GLP2R: variants seen among roughly 807,000 people sequenced by gnomAD.
GLP2R encodes the protein glucagon like peptide 2 receptor.
Under a neutral mutation model 68.2 loss-of-function variants are expected in GLP2R, and 59 were observed. That is an observed-to-expected ratio of 0.87 (90% CI 0.70 to 1.07). The LOEUF (loss-of-function observed/expected upper bound fraction) is 1.07, where lower values mean the gene tolerates loss of function less well. Among genes scored for constraint, GLP2R ranks in the 50% least tolerant of loss-of-function variants. The pLI is 0.00. For missense variants in GLP2R, 548 were observed against 677.4 expected (o/e 0.81, Z 2.12); for synonymous variants, 270 against 265.4 (o/e 1.02, Z -0.17).
chr17:9,886,712 G>A (rs563611909), intron 11 of GLP2R, among the ~76,000 whole-genome samples: 75 of 152,236 alleles, frequency 4.9e-4, no homozygotes, highest in Non-Finnish European at 9.3e-4. Flanking sequence ...GTGATTGCCA[G>A]TGTGGAGATC....
At position 9,878,772 on chromosome 17, in the gene GLP2R, T is replaced by C. The variant is rs117214371; in HGVS notation, c.1146-1606T>C. On this transcript the variant is annotated intron_variant, in intron 10 of 12. Coordinates refer to ENST00000262441, the MANE Select transcript of GLP2R (RefSeq NM_004246.3). ...TGCATCTGAATGGCCCTTGCAGACA[T>C]AGGATTCATAGTAAGCTCTTGTTCT... is the stretch of plus-strand genomic sequence containing the variant. 2.0e-3 allele frequency among the ~76,000 whole-genome samples: 298 copies of C among 152,268 alleles called. 3 individuals are homozygous for C. The East Asian group carries it at 0.033, about 17-fold the overall frequency.
chr17:9,843,926 ATCTTGT>A (rs1206319010), intron 4 of GLP2R, among the ~76,000 whole-genome samples: 3 of 8,390 alleles, frequency 3.6e-4, no homozygotes, highest in Middle Eastern at 0.05. Flanking sequence ...GAGTCTTGTG[ATCTTGT>A]GAGGCATAGG....
intron 11 of GLP2R, among the ~76,000 whole-genome samples, chr17:9,885,012 A>C (rs2067229970): frequency 6.6e-6 from 1 of 152,116 alleles, no homozygotes; most frequent in Admixed American, 6.5e-5. Flanking sequence ...CAAGTAATTC[A>C]TGTGGAGCTA....
At chr17:9,828,653 A>G (rs2066653962) in intron 1 of GLP2R, among the ~76,000 whole-genome samples, 1 of 152,120 alleles carries the variant, frequency 6.6e-6, no homozygotes, top group South Asian at 2.1e-4. Context: ...GTAGCTCCTG[A>G]GCACTGTAGC....
intron 4 of GLP2R, 57 bp downstream of exon 4, chr17:9,842,673 G>C (rs1360284941): frequency 1.3e-6 from 2 of 1,596,338 alleles, no homozygotes; most frequent in Admixed American, 3.3e-5. Context: ...CCTCCTTCGG[G>C]ACACCCCAGT....
In GLP2R at chr17:9,826,060, G is replaced by A; in HGVS notation, c.-4G>A. On this transcript the variant is annotated 5_prime_UTR_variant, in exon 1 of 13. Transcript: ENST00000262441. Reference sequence around the variant, plus strand: ...ACCCCTACTTGTGAAGGTGCACGAGGAAGATGAAGCTGGGATCGAGCAGGG... The same window carrying A: ...ACCCCTACTTGTGAAGGTGCACGAGAAAGATGAAGCTGGGATCGAGCAGGG... The A allele has an allele frequency of 1.2e-6, 2 of 1,609,430 alleles. No individual in the cohort carries two copies. Among genetic ancestry groups the A allele is most frequent in the Non-Finnish European group, 1.7e-6 (2 of 1,178,696 alleles).
intron 4 of GLP2R, among the ~76,000 whole-genome samples, chr17:9,848,551 C>T (rs868367959): frequency 2.0e-5 from 3 of 152,216 alleles, no homozygotes; most frequent in Middle Eastern, 3.4e-3. Flanking sequence ...ATGGGGAGCG[C>T]TAAGCAAGAT....
At chr17:9,839,756 C>A (rs74739416) in intron 3 of GLP2R, among the ~76,000 whole-genome samples, 4,584 of 152,292 alleles carry the variant, frequency 0.03, 93 homozygotes, top group East Asian at 0.073. Flanking sequence ...GGGTTCCCTG[C>A]ACTCCAGCCC....
chr17:9,839,933 A>C (rs2066769669), intron 3 of GLP2R, among the ~76,000 whole-genome samples: 1 of 150,674 alleles, frequency 6.6e-6, no homozygotes, highest in Admixed American at 6.6e-5. Context: ...AAGATTTCTC[A>C]GACCTCTCCC....
intron 4 of GLP2R, 27 bp from the exon 5 acceptor site, chr17:9,854,468 T>A: frequency 7.2e-7 from 1 of 1,390,050 alleles, no homozygotes; most frequent in South Asian, 1.2e-5. Context: ...GGCTTAGTGG[T>A]CATGTCTGCT....
rs1310804168 is a variant in GLP2R, at chr17:9,887,857, T to C, written c.1285-75T>C. The C allele has an allele frequency of 1.0e-5, 11 of 1,057,114 alleles. 1 individual carries two copies. The highest frequency in any genetic ancestry group is 1.6e-5 in the Non-Finnish European group (11 of 671,142). 65.5% of individuals were successfully genotyped at this position (1,057,114 alleles called of 1,614,324 possible). A position where few individuals can be genotyped will look rare whatever the true frequency, so the allele number is the denominator to read the frequency against. ...GACTCCTTACGACCTGTGCAGGGCT[T>C]TGGACGTTGCCAGTAACTCTCAGAC... On this transcript the variant is annotated intron_variant, in intron 11 of 12. Coordinates refer to ENST00000262441, the MANE Select transcript of GLP2R (RefSeq NM_004246.3).
At chr17:9,863,760 G>T (rs926827163) in intron 9 of GLP2R, among the ~76,000 whole-genome samples, 1 of 152,138 alleles carries the variant, frequency 6.6e-6, no homozygotes, top group African/African-American at 2.4e-5. Flanking sequence ...TTCCTTCCCA[G>T]ATCCTGTGCA....
chr17:9,830,610 G>A (rs549086892), intron 1 of GLP2R, among the ~76,000 whole-genome samples: 2 of 152,322 alleles, frequency 1.3e-5, no homozygotes, highest in African/African-American at 4.8e-5. Flanking sequence ...CAAACTGTGT[G>A]CTTGTATACC....
chr17:9,885,611 C>A (rs1176875759), intron 11 of GLP2R, among the ~76,000 whole-genome samples: 1 of 152,048 alleles, frequency 6.6e-6, no homozygotes, highest in Non-Finnish European at 1.5e-5. Context: ...TATCTCACAG[C>A]ATGGCGGCTG....
At chr17:9,830,323 A>G (rs200337189) in intron 1 of GLP2R, among the ~76,000 whole-genome samples, 4 of 152,230 alleles carry the variant, frequency 2.6e-5, no homozygotes, top group East Asian at 1.9e-4. Flanking sequence ...TTGTCCACCA[A>G]TGGATCTTAC....
Position 9,891,590 on chromosome 17 carries a change from T to A in GLP2R, c.*1885T>A, listed in dbSNP as rs927051347. The A allele has an allele frequency of 6.6e-6, 1 of 152,216 alleles. No homozygotes were observed. Among genetic ancestry groups the A allele is most frequent in the Non-Finnish European group, 1.5e-5 (1 of 68,042 alleles). 9.4% of individuals were successfully genotyped at this position (152,216 alleles called of 1,614,324 possible). The stretch of plus-strand genomic sequence containing the variant: ...TATTTATATTGACTATGGGGACTTT[T>A]GGGGCCCCCTTAAATTTTGCACTTG... On this transcript the variant is annotated 3_prime_UTR_variant, in exon 13 of 13. Coordinates refer to ENST00000262441, the MANE Select transcript of GLP2R (RefSeq NM_004246.3).
chr17:9,843,280 T>C (rs2066805621), intron 4 of GLP2R, among the ~76,000 whole-genome samples: 2 of 152,242 alleles, frequency 1.3e-5, no homozygotes, highest in African/African-American at 4.8e-5. Context: ...TCCACAGCTC[T>C]GTGGCATGCT....
chr17:9,860,677 G>T (rs1211908037), intron 7 of GLP2R, among the ~76,000 whole-genome samples: 1 of 151,954 alleles, frequency 6.6e-6, no homozygotes, highest in Non-Finnish European at 1.5e-5. Context: ...ACCATCACTG[G>T]GGTAGGGCTT....
At chr17:9,865,967 C>T in intron 9 of GLP2R, 1 of 468,738 alleles carries the variant, frequency 2.1e-6, no homozygotes, top group Non-Finnish European at 4.4e-6. Flanking sequence ...TCATGTCTAT[C>T]AGTTTACAAG....
Sources: allele counts gnomAD v4.1 joint callset (sites outside exome capture counted in the v4.1 genomes callset), GRCh38; gene constraint gnomAD v4.1.1; transcripts MANE v1.5; gene names NCBI Gene and HGNC (gene_info 2026-07-23, HGNC 2026-07-21).